Variants in GRM1 observed in about 807,000 individuals in gnomAD.
The protein encoded by GRM1 is glutamate metabotropic receptor 1.
Under a neutral mutation model 90.9 loss-of-function variants are expected in GRM1, and 33 were observed. That is an observed-to-expected ratio of 0.36 (90% CI 0.28 to 0.49). The LOEUF is 0.49. Ranked by LOEUF, GRM1 falls within the 20% of genes least tolerant of loss-of-function variation. The pLI, the probability that GRM1 is intolerant of heterozygous loss-of-function variation, is 0.99. For missense variants in GRM1, 1,190 were observed against 1,534.3 expected (o/e 0.78, Z 3.75); for synonymous variants, 700 against 613.2 (o/e 1.14, Z -2.09).
chr6:146,428,103 A>G (rs1778280630), intron 7 of GRM1, among the ~76,000 whole-genome samples: 1 of 152,262 alleles, frequency 6.6e-6, no homozygotes, highest in Admixed American at 6.5e-5. Context: ...CTTTCAGAAT[A>G]GGATCTATTC....
intron 1 of GRM1, among the ~76,000 whole-genome samples, chr6:146,080,027 A>G (rs998032552): frequency 6.6e-5 from 10 of 152,328 alleles, no homozygotes; most frequent in African/African-American, 2.2e-4. Flanking sequence ...CCATAATTTT[A>G]AAGTGAGCAT....
At chr6:146,366,000 C>T (rs1468033821) in intron 5 of GRM1, among the ~76,000 whole-genome samples, 1 of 152,176 alleles carries the variant, frequency 6.6e-6, no homozygotes, top group African/African-American at 2.4e-5. Context: ...ATTCCTCTTT[C>T]TTGCTTTAGT....
intron 4 of GRM1, 66 bp from the exon 5 acceptor site, chr6:146,357,460 C>T: frequency 7.7e-7 from 1 of 1,299,958 alleles, no homozygotes; most frequent in Non-Finnish European, 1.1e-6. Context: ...TATCTACTTA[C>T]CAACTTTCTT....
rs774373135 is a variant in GRM1 at position 146,255,009 on chromosome 6, CG to C, written c.951-49600del. ...AAGAGATGTGGCATATAAATAAAAA[CG>C]GTATGAATAAAGAAATAGTAAAATG... On this transcript the variant is annotated intron_variant, in intron 2 of 7. Coordinates refer to ENST00000282753, the MANE Select transcript of GRM1 (RefSeq NM_001278064.2). Among the ~76,000 whole-genome samples, 26 of 152,052 alleles carry C rather than the reference CG, an allele frequency of 1.7e-4. 1 individual carries two copies. The highest frequency in any genetic ancestry group is 1.0e-4 in the Non-Finnish European group (7 of 68,006).
chr6:146,344,798 TTTTC>T (rs1785111910), intron 3 of GRM1, among the ~76,000 whole-genome samples: 1 of 148,666 alleles, frequency 6.7e-6, no homozygotes, highest in African/African-American at 2.5e-5. Flanking sequence ...TCTTTTTCGT[TTTTC>T]TTTTCTTTTT....
intron 2 of GRM1, among the ~76,000 whole-genome samples, chr6:146,296,585 C>T (rs895962107): frequency 3.9e-5 from 6 of 152,180 alleles, no homozygotes. Flanking sequence ...TACCCTGCCT[C>T]CCAGAATGGT....
At chr6:146,154,927 C>T (rs1777466623) in intron 1 of GRM1, among the ~76,000 whole-genome samples, 1 of 152,318 alleles carries the variant, frequency 6.6e-6, no homozygotes, top group East Asian at 1.9e-4. Flanking sequence ...TAAAGGTACT[C>T]TATTGATAGC....
chr6:146,172,773 G>C (rs1292625146), intron 2 of GRM1, among the ~76,000 whole-genome samples: 1 of 152,106 alleles, frequency 6.6e-6, no homozygotes, highest in African/African-American at 2.4e-5. Context: ...AATTAAAACA[G>C]TATTTTTTAT....
At chr6:146,067,524 C>T (rs1775887656) in intron 1 of GRM1, among the ~76,000 whole-genome samples, 2 of 151,980 alleles carry the variant, frequency 1.3e-5, no homozygotes, top group South Asian at 4.2e-4. Context: ...AAGAAATTAA[C>T]TATTATGCTT....
chr6:146,081,398 G>A (rs1449722331), intron 1 of GRM1, among the ~76,000 whole-genome samples: 1 of 152,166 alleles, frequency 6.6e-6, no homozygotes, highest in Admixed American at 6.6e-5. Flanking sequence ...TTCAAAAAGA[G>A]CAGCCCTGCA....
chr6:146,147,398 C>A (rs181084303), intron 1 of GRM1, among the ~76,000 whole-genome samples: 2 of 152,006 alleles, frequency 1.3e-5, no homozygotes, highest in African/African-American at 4.8e-5. Flanking sequence ...ACAAATAAGG[C>A]GACGAAGTTG....
At chr6:146,247,694 T>C (rs1583218394) in intron 2 of GRM1, among the ~76,000 whole-genome samples, 1 of 143,018 alleles carries the variant, frequency 7.0e-6, no homozygotes, top group African/African-American at 2.6e-5. Context: ...GAGATTGCAG[T>C]GAGCCAAGAT....
intron 2 of GRM1, among the ~76,000 whole-genome samples, chr6:146,208,243 C>T (rs1779560202): frequency 1.3e-5 from 2 of 152,104 alleles, no homozygotes; most frequent in African/African-American, 4.8e-5. Flanking sequence ...TTGTTGGTAA[C>T]CCAAGAAGGC....
intron 2 of GRM1, among the ~76,000 whole-genome samples, chr6:146,227,397 C>A (rs1276100517): frequency 6.6e-6 from 1 of 152,122 alleles, no homozygotes; most frequent in Non-Finnish European, 1.5e-5. Context: ...AGGGTTTACT[C>A]TTGGTATACA....
intron 2 of GRM1, among the ~76,000 whole-genome samples, chr6:146,244,221 C>G (rs571011172): frequency 2.0e-5 from 3 of 152,114 alleles, no homozygotes; most frequent in African/African-American, 4.8e-5. Flanking sequence ...AAAGTAAAGA[C>G]AGGCATAGGA....
chr6:146,255,047 ATAACT>A (rs1472961697), intron 2 of GRM1, among the ~76,000 whole-genome samples: 2 of 152,238 alleles, frequency 1.3e-5, no homozygotes, highest in Non-Finnish European at 2.9e-5. Flanking sequence ...AGAATGTGAG[ATAACT>A]TAAGCCTCAG....
At chr6:146,275,496 C>T (rs1018379394) in intron 2 of GRM1, among the ~76,000 whole-genome samples, 6 of 151,904 alleles carry the variant, frequency 3.9e-5, no homozygotes, top group Non-Finnish European at 8.8e-5. Flanking sequence ...ACCCGGTGCC[C>T]CTGTTGTTTA....
intron 3 of GRM1, among the ~76,000 whole-genome samples, chr6:146,319,829 T>C (rs1277920908): frequency 1.3e-5 from 2 of 152,230 alleles, no homozygotes; most frequent in Non-Finnish European, 2.9e-5. Context: ...CCTGAGACTT[T>C]GCTAAAGTTG....
intron 3 of GRM1, among the ~76,000 whole-genome samples, chr6:146,316,256 A>C (rs1562603161): frequency 1.3e-5 from 2 of 152,074 alleles, no homozygotes; most frequent in Non-Finnish European, 2.9e-5. Flanking sequence ...CATCTATCTG[A>C]CTTTTCTTCC....
Sources: gnomAD v4.1 joint callset for allele counts (sites outside exome capture counted in the v4.1 genomes callset) on GRCh38, gnomAD v4.1.1 for gene constraint, MANE v1.5 for transcripts, NCBI Gene and HGNC (gene_info 2026-07-23, HGNC 2026-07-21) for gene names.